Variants in GLRA3 observed in about 807,000 individuals in gnomAD.
The protein encoded by GLRA3 is glycine receptor alpha 3, also known as glycine receptor subunit alpha-3.
In GLRA3, 44 loss-of-function variants were observed where a neutral mutation model predicts 60.4. The ratio of observed to expected loss-of-function variants is 0.73; its 90% CI spans 0.57 to 0.94. The LOEUF (loss-of-function observed/expected upper bound fraction) is 0.94. GLRA3 is among the 40% of genes least tolerant of loss of function. The pLI is 0.00. For synonymous variants in GLRA3, 223 were observed against 192.9 expected (o/e 1.16, Z -1.29); for missense variants, 508 against 564.6 (o/e 0.90, Z 1.02).
At chr4:174,820,577 C>A (rs918892941) in intron 1 of GLRA3, among the ~76,000 whole-genome samples, 1 of 152,124 alleles carries the variant, frequency 6.6e-6, no homozygotes, top group Non-Finnish European at 1.5e-5. Context: ...CTCACCTAGA[C>A]TTTAGGGAGA....
At chr4:174,784,839 T>C (rs1325541704) in intron 2 of GLRA3, among the ~76,000 whole-genome samples, 1 of 152,150 alleles carries the variant, frequency 6.6e-6, no homozygotes, top group African/African-American at 2.4e-5. Flanking sequence ...GTTTTTATAC[T>C]TATGTCAAAT....
intron 3 of GLRA3, among the ~76,000 whole-genome samples, chr4:174,733,626 G>A (rs1056141243): frequency 3.3e-5 from 5 of 152,120 alleles, no homozygotes; most frequent in African/African-American, 1.2e-4. Flanking sequence ...CCAAAGCCTG[G>A]CAAAATTATT....
chr4:174,658,502 A>G (rs1733298686), intron 8 of GLRA3, among the ~76,000 whole-genome samples: 1 of 152,174 alleles, frequency 6.6e-6, no homozygotes. Flanking sequence ...CACTTATCAG[A>G]TAGTAGCCAG....
At position 174,642,312 on chromosome 4, in the gene GLRA3, C is replaced by T; in HGVS notation, c.*1474G>A. 1 of 952,534 alleles carries T rather than the reference C, an allele frequency of 1.0e-6. No individual in the cohort carries two copies. Among genetic ancestry groups the T allele is most frequent in the Non-Finnish European group, 1.2e-6 (1 of 811,748 alleles). 59.0% of individuals were successfully genotyped at this position (952,534 alleles called of 1,614,324 possible). ...TTAAAGAACTGGCTTTTCTATTGTA[C>T]ATCTGAGTTCATTGTTTTCTTAATC... is the stretch of plus-strand genomic sequence containing the variant. On this transcript the variant is annotated 3_prime_UTR_variant, in exon 10 of 10. Transcript: ENST00000274093.
chr4:174,797,509 T>C (rs955058191), intron 1 of GLRA3, among the ~76,000 whole-genome samples: 2 of 152,210 alleles, frequency 1.3e-5, no homozygotes, highest in Non-Finnish European at 2.9e-5. Context: ...TTAGGTATTT[T>C]ATATATTCTT....
chr4:174,782,992 A>G (rs1738954054), intron 2 of GLRA3, among the ~76,000 whole-genome samples: 3 of 152,306 alleles, frequency 2.0e-5, no homozygotes, highest in South Asian at 4.1e-4. Flanking sequence ...TGGAACCAAA[A>G]AAGAGCCTGC....
intron 1 of GLRA3, among the ~76,000 whole-genome samples, chr4:174,789,609 G>C (rs963421666): frequency 6.6e-6 from 1 of 152,134 alleles, no homozygotes; most frequent in African/African-American, 2.4e-5. Context: ...TCCAGGAAAG[G>C]TAGTGTGTTC....
intron 2 of GLRA3, among the ~76,000 whole-genome samples, chr4:174,784,749 C>A (rs1364991622): frequency 2.0e-5 from 3 of 152,034 alleles, no homozygotes; most frequent in African/African-American, 7.2e-5. Context: ...ACCCATATAT[C>A]ATTATTAAAT....
chr4:174,811,184 T>G (rs1181009506), intron 1 of GLRA3, among the ~76,000 whole-genome samples: 1 of 140,598 alleles, frequency 7.1e-6, no homozygotes, highest in Non-Finnish European at 1.5e-5. Flanking sequence ...CTTCCCCGCC[T>G]GTTTTTTTTT....
At chr4:174,774,377 T>TGC (rs1738511591) in intron 2 of GLRA3, among the ~76,000 whole-genome samples, 1 of 151,960 alleles carries the variant, frequency 6.6e-6, no homozygotes, top group Admixed American at 6.6e-5. Context: ...TGTGTGTGTG[T>TGC]GTATGTGTGT....
At position 174,697,897 on chromosome 4, in the gene GLRA3, G is replaced by T. The variant is rs537560504; in HGVS notation, c.575-14958C>A. 2.7e-4 allele frequency among the ~76,000 whole-genome samples: 41 copies of T among 152,234 alleles called. 1 individual carries two copies. Among genetic ancestry groups the T allele is most frequent in the Non-Finnish European group, 4.9e-4 (33 of 68,010 alleles). ...CCTGAGCCCATTTTAATGAGGAAAG[G>T]CATCGTGGTTGGTTGGATTTCACTG... On this transcript the variant is annotated intron_variant, in intron 5 of 9. Coordinates refer to ENST00000274093, the MANE Select transcript of GLRA3 (RefSeq NM_006529.4).
intron 4 of GLRA3, among the ~76,000 whole-genome samples, chr4:174,725,076 T>C (rs1736270199): frequency 6.6e-6 from 1 of 152,226 alleles, no homozygotes. Context: ...TCAGCCATTG[T>C]TTTCTCTAGT....
chr4:174,820,087 G>A (rs536668320), intron 1 of GLRA3, among the ~76,000 whole-genome samples: 1 of 152,260 alleles, frequency 6.6e-6, no homozygotes, highest in South Asian at 2.1e-4. Context: ...GCTGAAAAGA[G>A]TAGAGTTGGG....
At chr4:174,764,613 A>C (rs1433247870) in intron 3 of GLRA3, among the ~76,000 whole-genome samples, 1 of 151,946 alleles carries the variant, frequency 6.6e-6, no homozygotes, top group Non-Finnish European at 1.5e-5. Flanking sequence ...GAATAAGTTT[A>C]AAAAATACAT....
intron 5 of GLRA3, among the ~76,000 whole-genome samples, chr4:174,706,281 C>T (rs1396486408): frequency 6.6e-6 from 1 of 151,928 alleles, no homozygotes; most frequent in East Asian, 1.9e-4. Flanking sequence ...CGGAATGATC[C>T]GATGGGTCAA....
At chr4:174,820,299 G>A (rs1379984761) in intron 1 of GLRA3, among the ~76,000 whole-genome samples, 2 of 152,176 alleles carry the variant, frequency 1.3e-5, no homozygotes, top group Non-Finnish European at 2.9e-5. Flanking sequence ...AATGTTAGAA[G>A]CGCAGAATGA....
intron 6 of GLRA3, among the ~76,000 whole-genome samples, chr4:174,678,312 A>G (rs1055165962): frequency 1.3e-5 from 2 of 152,050 alleles, no homozygotes; most frequent in Non-Finnish European, 2.9e-5. Flanking sequence ...ATTGATATTG[A>G]TTTATACTAC....
intron 3 of GLRA3, among the ~76,000 whole-genome samples, chr4:174,734,744 A>G (rs1736703793): frequency 6.6e-6 from 1 of 152,218 alleles, no homozygotes; most frequent in South Asian, 2.1e-4. Context: ...GCGTAAATAT[A>G]AGATTGAAAA....
chr4:174,813,692 C>T (rs1027214209), intron 1 of GLRA3, among the ~76,000 whole-genome samples: 1 of 152,190 alleles, frequency 6.6e-6, no homozygotes, highest in Non-Finnish European at 1.5e-5. Flanking sequence ...CTATTCTAAC[C>T]TCTTTCTATT....
Sources: gnomAD v4.1 joint callset for allele counts (sites outside exome capture counted in the v4.1 genomes callset) on GRCh38, gnomAD v4.1.1 for gene constraint, MANE v1.5 for transcripts, NCBI Gene and HGNC (gene_info 2026-07-23, HGNC 2026-07-21) for gene names.